The following PTK2 variants were observed in gnomAD, a reference collection of about 807,000 sequenced individuals.
PTK2 encodes protein tyrosine kinase 2, also known as focal adhesion kinase 1.
A neutral mutation model predicts 150.1 loss-of-function variants in PTK2; 45 were observed. That is an observed-to-expected ratio of 0.30 (90% CI 0.24 to 0.38). The LOEUF is 0.38. Among genes scored for constraint, PTK2 ranks in the 10% least tolerant of loss-of-function variants. The probability of loss-of-function intolerance (pLI) is 1.00; values close to 1 mark genes in which losing one functional copy is unlikely to be tolerated. For synonymous variants in PTK2, 432 were observed against 449.2 expected (o/e 0.96, Z 0.48); for missense variants, 919 against 1,307.3 (o/e 0.70, Z 4.58).
At chr8:140,687,754 T>C (rs2100020819) in intron 26 of PTK2, among the ~76,000 whole-genome samples, 1 of 152,186 alleles carries the variant, frequency 6.6e-6, no homozygotes, top group African/African-American at 2.4e-5. Context: ...GCGGGGTCAG[T>C]CGTGGGTGCC....
At chr8:140,772,984 A>C (rs2100076379) in intron 14 of PTK2, among the ~76,000 whole-genome samples, 1 of 152,174 alleles carries the variant, frequency 6.6e-6, no homozygotes, top group Non-Finnish European at 1.5e-5. Context: ...ATGGGGTTAT[A>C]ACAGAAGCTA....
intron 12 of PTK2, among the ~76,000 whole-genome samples, chr8:140,797,321 A>G (rs2100092252): frequency 1.3e-5 from 2 of 152,226 alleles, no homozygotes; most frequent in Admixed American, 1.3e-4. Context: ...TTGAAAAATG[A>G]GAAATTTTAA....
chr8:140,667,343 G>A (rs775333894), intron 30 of PTK2, among the ~76,000 whole-genome samples: 20 of 152,116 alleles, frequency 1.3e-4, no homozygotes, highest in Non-Finnish European at 2.5e-4. Context: ...AGCAAATTTC[G>A]ACCACACTCT....
chr8:140,954,186 G>C (rs1388121258), intron 1 of PTK2, among the ~76,000 whole-genome samples: 1 of 152,006 alleles, frequency 6.6e-6, no homozygotes, highest in African/African-American at 2.4e-5. Context: ...TGCCATGTTG[G>C]CCAGGCTGGT....
chr8:140,752,588 T>C (rs1014364517), intron 16 of PTK2, among the ~76,000 whole-genome samples: 16 of 152,390 alleles, frequency 1.0e-4, no homozygotes, highest in Admixed American at 1.0e-3. Flanking sequence ...GGTACTATTC[T>C]AAGTGCTTGG....
chr8:140,833,606 T>C (rs1312804472), intron 7 of PTK2, among the ~76,000 whole-genome samples: 1 of 152,234 alleles, frequency 6.6e-6, no homozygotes, highest in African/African-American at 2.4e-5. Flanking sequence ...TAATCAGCAG[T>C]AGTTTTGCCT....
In PTK2 at chr8:140,700,403, C is replaced by T. The variant is rs1372024522; in HGVS notation, c.2499+488G>A. 2.6e-5 allele frequency among the ~76,000 whole-genome samples: 4 copies of T among 151,768 alleles called. 1 individual carries two copies. The highest frequency in any genetic ancestry group is 9.7e-5 in the African/African-American group (4 of 41,272). On this transcript the variant is annotated intron_variant, in intron 26 of 31. Coordinates refer to ENST00000522684, the Ensembl canonical transcript of PTK2. ...CCCAGGCTGGTCTTGAACTCCTGGG[C>T]TCAAGTGATCCTCCTGCCTTGGCCT...
chr8:140,685,804 C>T (rs183201732), intron 27 of PTK2, among the ~76,000 whole-genome samples: 83 of 152,298 alleles, frequency 5.4e-4, no homozygotes, highest in African/African-American at 1.9e-3. Flanking sequence ...TAAATTACTT[C>T]GGTCACTGTG....
At chr8:140,734,651 G>A in intron 22 of PTK2, 1 of 472,222 alleles carries the variant, frequency 2.1e-6, no homozygotes, top group Admixed American at 2.3e-5. Context: ...CCACAAAATG[G>A]CACCTGAACA....
At chr8:140,681,985 T>C (rs180788750) in intron 27 of PTK2, among the ~76,000 whole-genome samples, 4 of 152,278 alleles carry the variant, frequency 2.6e-5, no homozygotes, top group African/African-American at 9.6e-5. Context: ...TAGGCATAAA[T>C]AGGTTAAATA....
At chr8:140,842,958 T>C (rs2100123196) in intron 7 of PTK2, among the ~76,000 whole-genome samples, 1 of 152,132 alleles carries the variant, frequency 6.6e-6, no homozygotes, top group Non-Finnish European at 1.5e-5. Context: ...TGTCTAGCTC[T>C]CCTGTTTCAA....
intron 1 of PTK2, among the ~76,000 whole-genome samples, chr8:140,996,810 T>C (rs1173083157): frequency 6.6e-6 from 1 of 152,244 alleles, no homozygotes; most frequent in Non-Finnish European, 1.5e-5. Context: ...GAGAGAGATG[T>C]ACAAAGAGAT....
At chr8:140,993,734 T>C (rs540499893) in intron 1 of PTK2, among the ~76,000 whole-genome samples, 1 of 152,222 alleles carries the variant, frequency 6.6e-6, no homozygotes, top group South Asian at 2.1e-4. Flanking sequence ...AAACATGACT[T>C]TTTTTTCTTT....
chr8:140,935,013 G>A (rs2100173137), intron 1 of PTK2, among the ~76,000 whole-genome samples: 1 of 152,128 alleles, frequency 6.6e-6, no homozygotes, highest in Non-Finnish European at 1.5e-5. Context: ...ATTAACAAGT[G>A]ACACATGATC....
intron 19 of PTK2, among the ~76,000 whole-genome samples, chr8:140,743,757 T>C (rs1023626689): frequency 1.3e-5 from 2 of 151,970 alleles, no homozygotes; most frequent in Admixed American, 1.3e-4. Context: ...AGCTTATTTT[T>C]TTAGATGCTT....
At chr8:140,900,259 A>G (rs1209058763) in intron 2 of PTK2, among the ~76,000 whole-genome samples, 8 of 152,242 alleles carry the variant, frequency 5.3e-5, no homozygotes, top group Non-Finnish European at 1.2e-4. Flanking sequence ...AAAAACCAAC[A>G]TATGAAAAGA....
chr8:140,899,827 T>C (rs2100157740), intron 2 of PTK2, among the ~76,000 whole-genome samples: 2 of 152,210 alleles, frequency 1.3e-5, no homozygotes, highest in Admixed American at 1.3e-4. Flanking sequence ...ATATATCACA[T>C]TAACAGAACA....
chr8:140,911,298 T>A (rs2100163059), intron 2 of PTK2, among the ~76,000 whole-genome samples: 1 of 152,154 alleles, frequency 6.6e-6, no homozygotes, highest in Non-Finnish European at 1.5e-5. Context: ...GCCGGCACAT[T>A]TTCCACATAC....
chr8:140,998,377 T>C (rs1481379740), intron 1 of PTK2, among the ~76,000 whole-genome samples: 1 of 152,212 alleles, frequency 6.6e-6, no homozygotes, highest in Non-Finnish European at 1.5e-5. Context: ...CCTTTAGAGA[T>C]ATGAACTAAG....
Sources: allele counts gnomAD v4.1 joint callset (sites outside exome capture counted in the v4.1 genomes callset), GRCh38; gene constraint gnomAD v4.1.1; transcripts MANE v1.5; gene names NCBI Gene and HGNC (gene_info 2026-07-23, HGNC 2026-07-21).